Variants in KANK1 observed in about 807,000 individuals in gnomAD.
The protein encoded by KANK1 is KN motif and ankyrin repeat domain-containing protein 1.
KANK1 carries 109 observed loss-of-function variants against 106.2 expected under a neutral mutation model. The ratio of observed to expected loss-of-function variants is 1.03; its 90% CI spans 0.88 to 1.20. The LOEUF (loss-of-function observed/expected upper bound fraction) is 1.20. KANK1 is among the 50% of genes most tolerant of loss of function. The probability of loss-of-function intolerance (pLI) is 0.00; values close to 1 mark genes in which losing one functional copy is unlikely to be tolerated. For missense variants in KANK1, 2,399 were observed against 1,710.7 expected, an observed-to-expected ratio of 1.40 and a Z score of -7.10; for synonymous variants, 873 against 652.2, an observed-to-expected ratio of 1.34 and a Z score of -5.16.
rs192267399 is a variant in KANK1, at chr9:690,355, T to G, written c.37+13346T>G. Reference sequence around the variant, plus strand: ...GCTACAAGAGAGAATGTCCCTAGTTTATGGCTTTTCAGTACCAAAATAGTA... The same window carrying G: ...GCTACAAGAGAGAATGTCCCTAGTTGATGGCTTTTCAGTACCAAAATAGTA... On this transcript the variant is annotated intron_variant, in intron 2 of 11. Transcript: ENST00000382297. Among the ~76,000 whole-genome samples the G allele has an allele frequency of 7.3e-5, 11 of 151,432 alleles. No homozygotes were observed. In the East Asian group the frequency reaches 1.9e-3, roughly 27 times the overall value.
intron 1 of KANK1, among the ~76,000 whole-genome samples, chr9:529,213 C>T (rs187921208): frequency 1.1e-4 from 17 of 150,874 alleles, no homozygotes. Flanking sequence ...CCAGAGATAA[C>T]TCTGTTAATA....
chr9:572,444 C>G (rs1032169228), intron 1 of KANK1, among the ~76,000 whole-genome samples: 2 of 151,942 alleles, frequency 1.3e-5, no homozygotes, highest in African/African-American at 4.8e-5. Flanking sequence ...CCCAGCTACT[C>G]GGGAAGCTGA....
intron 8 of KANK1, among the ~76,000 whole-genome samples, chr9:740,106 T>G (rs1048385996): frequency 6.6e-6 from 1 of 152,202 alleles, no homozygotes; most frequent in Non-Finnish European, 1.5e-5. Flanking sequence ...ACCATTCCGG[T>G]CATTTCAGAG....
At chr9:717,728 T>G (rs1828101202) in intron 3 of KANK1, among the ~76,000 whole-genome samples, 1 of 152,226 alleles carries the variant, frequency 6.6e-6, no homozygotes, top group African/African-American at 2.4e-5. Context: ...TGTTTTCGTT[T>G]GAGGCATAGA....
chr9:635,694 C>CTTTTTT (rs1162836319), intron 1 of KANK1, among the ~76,000 whole-genome samples: 94 of 103,362 alleles, frequency 9.1e-4, no homozygotes, highest in African/African-American at 1.8e-3. Flanking sequence ...CCTTTTTATT[C>CTTTTTT]TTTTTTTTTT....
chr9:608,027 TATTATTA>T lies in KANK1; in HGVS notation c.-83-68862_-83-68856del, dbSNP rs1370054244. ...AAACTTTCAGAATTATTATTATTAT[TATTATTA>T]TTTTTTTTTTTTTTGAGACGGAGTC... On this transcript the variant is annotated intron_variant, in intron 1 of 11. Transcript: ENST00000382297. Among the ~76,000 whole-genome samples, 5 of 76,462 alleles carry T rather than the reference TATTATTA, an allele frequency of 6.5e-5. No individual in the cohort carries two copies. The East Asian group carries it at 1.1e-3, about 17-fold the overall frequency. 50.2% of individuals were successfully genotyped at this position (76,462 alleles called of 152,430 possible).
intron 1 of KANK1, among the ~76,000 whole-genome samples, chr9:661,874 A>G (rs1843398328): frequency 1.4e-5 from 1 of 69,286 alleles, no homozygotes; most frequent in East Asian, 7.5e-4. Context: ...TCTGATGGCC[A>G]GTGATGATGA....
At chr9:742,524 G>T (rs907246106) in intron 10 of KANK1, 119 bp downstream of exon 10, 11 of 736,202 alleles carry the variant, frequency 1.5e-5, no homozygotes, top group Admixed American at 5.8e-5. Context: ...TGGGATTTGT[G>T]TCGCCATCTA....
intron 1 of KANK1, among the ~76,000 whole-genome samples, chr9:593,872 T>C (rs760678570): frequency 1.3e-5 from 2 of 151,920 alleles, no homozygotes; most frequent in Admixed American, 6.6e-5. Flanking sequence ...TGGGGTGCTA[T>C]CAGTTTATAA....
chr9:527,916 G>A (rs2059870605), intron 1 of KANK1, among the ~76,000 whole-genome samples: 1 of 148,450 alleles, frequency 6.7e-6, no homozygotes, highest in African/African-American at 2.6e-5. Context: ...CTGATCACAA[G>A]GTCAGGAGAT....
intron 2 of KANK1, among the ~76,000 whole-genome samples, chr9:697,935 T>G (rs1013419322): frequency 1.4e-4 from 21 of 152,276 alleles, no homozygotes; most frequent in Admixed American, 1.4e-3. Context: ...CAGTATGGGT[T>G]ACCTGCAACA....
chr9:612,625 A>G (rs983033968), intron 1 of KANK1, among the ~76,000 whole-genome samples: 1 of 152,234 alleles, frequency 6.6e-6, no homozygotes, highest in Non-Finnish European at 1.5e-5. Context: ...GAATGGGACA[A>G]AGTACAGAAA....
chr9:524,240 C>T (rs577088809), intron 1 of KANK1, among the ~76,000 whole-genome samples: 1 of 151,666 alleles, frequency 6.6e-6, no homozygotes, highest in South Asian at 2.1e-4. Context: ...AGTAATACAA[C>T]CCTTCCCTTC....
intron 1 of KANK1, among the ~76,000 whole-genome samples, chr9:600,183 G>C (rs565299888): frequency 1.3e-5 from 2 of 151,486 alleles, no homozygotes; most frequent in Admixed American, 6.6e-5. Context: ...CGCTATATCT[G>C]TTATACAACA....
chr9:485,222 C>T (rs974169532), intron 3 of KANK1, among the ~76,000 whole-genome samples: 1 of 152,142 alleles, frequency 6.6e-6, no homozygotes, highest in Non-Finnish European at 1.5e-5. Flanking sequence ...TTCCTCTGAT[C>T]CAGTGATAGA....
At chr9:560,217 T>A (rs986263686) in intron 1 of KANK1, among the ~76,000 whole-genome samples, 8 of 152,164 alleles carry the variant, frequency 5.3e-5, no homozygotes, top group Non-Finnish European at 8.8e-5. Context: ...GAGAGAGAAT[T>A]TGGGTAATGT....
At chr9:536,685 C>T (rs911230255) in intron 1 of KANK1, among the ~76,000 whole-genome samples, 3 of 152,180 alleles carry the variant, frequency 2.0e-5, no homozygotes, top group Admixed American at 6.5e-5. Flanking sequence ...TCTAGATAAT[C>T]CAGGAAAATC....
At position 742,358 on chromosome 9, in the gene KANK1, A is replaced by G; in HGVS notation, c.3850A>G (p.Lys1284Glu). ...CGAGCACGGACACGTGGAGATTGTC[A>G]AGCTGCTGCTGGCCCAGCCCGGCTG... is the stretch of plus-strand genomic sequence containing the variant. ...ASEHGHVEIV[K>E]LLLAQPGCNG... Residue 1284 changes from lysine to glutamate, a missense_variant, in exon 10 of 12, where the codon AAG becomes GAG. Lys to Glu is a moderately conservative substitution (Grantham distance 56). Transcript: ENST00000382297. 2 of 1,614,096 alleles carry G rather than the reference A, an allele frequency of 1.2e-6. No homozygotes were observed. The highest frequency in any genetic ancestry group is 1.7e-6 in the Non-Finnish European group (2 of 1,180,014).
At chr9:559,316 C>T (rs1375940813) in intron 1 of KANK1, among the ~76,000 whole-genome samples, 7 of 151,920 alleles carry the variant, frequency 4.6e-5, no homozygotes, top group African/African-American at 7.2e-5. Flanking sequence ...TTTAATTGTA[C>T]AGTCAACACT....
Sources: gnomAD v4.1 joint callset for allele counts (sites outside exome capture counted in the v4.1 genomes callset) on GRCh38, gnomAD v4.1.1 for gene constraint, MANE v1.5 for transcripts, NCBI Gene and HGNC (gene_info 2026-07-23, HGNC 2026-07-21) for gene names.